Variants in COL7A1 observed in about 807,000 individuals in gnomAD.
COL7A1 encodes collagen alpha-1(VII) chain.
Under a neutral mutation model 456.2 loss-of-function variants are expected in COL7A1, and 296 were observed. The ratio of observed to expected loss-of-function variants is 0.65; its 90% CI spans 0.59 to 0.71. The LOEUF (loss-of-function observed/expected upper bound fraction) is 0.71, where lower values mean the gene tolerates loss of function less well. COL7A1 is among the 30% of genes least tolerant of loss of function. The probability of loss-of-function intolerance (pLI) is 0.00; values close to 1 mark genes in which losing one functional copy is unlikely to be tolerated. For missense variants in COL7A1, 3,441 were observed against 4,017.2 expected, an observed-to-expected ratio of 0.86 and a Z score of 3.88; for synonymous variants, 1,464 against 1,525.9, an observed-to-expected ratio of 0.96 and a Z score of 0.95.
rs2045978911 is a variant in COL7A1, at chr3:48,595,005, T to C, written c.85+70A>G. ...GGTTGTGGGCGGGGGGTGTTGGGGATGAAGGCCGAGTGGAGCGGAGGGTGG... is the reference window on the plus strand; with the variant it reads ...GGTTGTGGGCGGGGGGTGTTGGGGACGAAGGCCGAGTGGAGCGGAGGGTGG... On this transcript the variant is annotated intron_variant, in intron 2 of 118. Coordinates refer to ENST00000681320, the MANE Select transcript of COL7A1 (RefSeq NM_000094.4). The C allele has an allele frequency of 3.8e-6, 5 of 1,305,186 alleles. No individual in the cohort carries two copies. In the Middle Eastern group the frequency reaches 7.5e-4, roughly 196 times the overall value. The allele number at this position is 1,305,186 out of a possible 1,614,324, so 80.9% of individuals were successfully genotyped here.
At position 48,583,632 on chromosome 3, in the gene COL7A1, C is replaced by T. The variant is rs367620031; in HGVS notation, c.4342-17G>A. On this transcript the variant is annotated splice_polypyrimidine_tract_variant and intron_variant, in intron 40 of 118. Transcript: ENST00000681320. The surrounding 1 kb of genome is among the most constrained non-coding windows in gnomAD (Gnocchi z 5.1). The stretch of plus-strand genomic sequence containing the variant: ...AGAGTCACCCTGAAGGAGAAACACA[C>T]GGGTGGGAAGACCGAAGGGAGGCCC... 60 of 1,613,990 alleles carry T rather than the reference C, an allele frequency of 3.7e-5. No individual in the cohort carries two copies. In the African/African-American group the frequency reaches 4.0e-4, roughly 11 times the overall value.
At position 48,574,226 on chromosome 3, in the gene COL7A1, C is replaced by T. The variant is rs745319972; in HGVS notation, c.6501+36G>A. ...CAGCAGCAGCACCTAGCGGAGGGTCCGGAGCCTGGGGCCAGGTGCTTCAGC... is the reference window on the plus strand; with the variant it reads ...CAGCAGCAGCACCTAGCGGAGGGTCTGGAGCCTGGGGCCAGGTGCTTCAGC... On this transcript the variant is annotated intron_variant, in intron 80 of 118. Transcript: ENST00000681320. This position sits in a 1 kb window ranked among gnomAD's most constrained non-coding sequence, Gnocchi z 5.0. 9.9e-6 allele frequency: 16 copies of T among 1,613,408 alleles called. No homozygotes were observed. The highest frequency in any genetic ancestry group is 5.3e-5 in the African/African-American group (4 of 74,862).
chr3:48,585,440 G>T lies in COL7A1; in HGVS notation c.3894+117C>A. 1 of 1,240,188 alleles carries T rather than the reference G, an allele frequency of 8.1e-7. No individual in the cohort carries two copies. The highest frequency in any genetic ancestry group is 1.2e-6 in the Non-Finnish European group (1 of 849,728). 76.8% of individuals were successfully genotyped at this position (1,240,188 alleles called of 1,614,324 possible). On this transcript the variant is annotated intron_variant, in intron 32 of 118. Transcript: ENST00000681320. This position sits in a 1 kb window ranked among gnomAD's most constrained non-coding sequence, Gnocchi z 4.5. ...TCTCTGTGGTGGTTTATAACCTCCA[G>T]CTGGGCTTCTAGGAATTCCCGATGA...
intron 37 of COL7A1, 77 bp downstream of exon 37, chr3:48,584,221 A>G: frequency 6.5e-7 from 1 of 1,531,364 alleles, no homozygotes; most frequent in South Asian, 1.2e-5. Flanking sequence ...CAAGGGCCAG[A>G]GTAACTGGCA....
chr3:48,585,213 C>G lies in COL7A1; in HGVS notation c.3895-97G>C. 8.5e-7 allele frequency: 1 copy of G among 1,179,904 alleles called. No homozygotes were observed. Among genetic ancestry groups the G allele is most frequent in the Non-Finnish European group, 1.2e-6 (1 of 816,822 alleles). 73.1% of individuals were successfully genotyped at this position (1,179,904 alleles called of 1,614,324 possible). On this transcript the variant is annotated intron_variant, in intron 32 of 118. Coordinates refer to ENST00000681320, the MANE Select transcript of COL7A1 (RefSeq NM_000094.4). This position sits in a 1 kb window ranked among gnomAD's most constrained non-coding sequence, Gnocchi z 4.5. ...CCCCATCAACAAGGGGTCGCCTACC[C>G]CACTGACCCCCAAGTGTTATTGGGG...
rs201392891 is a variant in COL7A1, at chr3:48,574,254, C to A, written c.6501+8G>T. On this transcript the variant is annotated splice_region_variant and intron_variant, in intron 80 of 118. Coordinates refer to ENST00000681320, the MANE Select transcript of COL7A1 (RefSeq NM_000094.4). The surrounding 1 kb of genome is among the most constrained non-coding windows in gnomAD (Gnocchi z 5.0). ...AGCCTGGGGCCAGGTGCTTCAGCCA[C>A]CACTCACCGGCTTCCCTTCAGGCCC... 5 of 1,613,946 alleles carry A rather than the reference C, an allele frequency of 3.1e-6. No individual in the cohort carries two copies. The East Asian group carries it at 1.1e-4, about 36-fold the overall frequency.
Position 48,568,173 on chromosome 3 carries a change from A to G in COL7A1, c.7795-3T>C. On this transcript the variant is annotated splice_polypyrimidine_tract_variant and splice_region_variant and intron_variant, in intron 105 of 118. Transcript: ENST00000681320. The surrounding 1 kb of genome is among the most constrained non-coding windows in gnomAD (Gnocchi z 5.2). ...ACTCCATCCTTTCCTGGGGATCCCT[A>G]GCAGGGAGAGGGTCCATGTGAGGTC... The G allele has an allele frequency of 6.2e-7, 1 of 1,612,844 alleles. No homozygotes were observed. The highest frequency in any genetic ancestry group is 8.5e-7 in the Non-Finnish European group (1 of 1,179,986).
intron 37 of COL7A1, 63 bp from the exon 38 acceptor site, chr3:48,584,124 T>G (rs2107731787): frequency 6.2e-7 from 1 of 1,612,832 alleles, no homozygotes; most frequent in Non-Finnish European, 8.5e-7. Flanking sequence ...ATACCAGGAG[T>G]GATGAGGGTC....
At chr3:48,589,192 A>T in intron 18 of COL7A1, 135 bp downstream of exon 18, 3 of 1,481,298 alleles carry the variant, frequency 2.0e-6, no homozygotes, top group Non-Finnish European at 1.9e-6. Flanking sequence ...GTGGACACTT[A>T]ATCAGTGTGG....
In COL7A1 at chr3:48,572,767, G is replaced by C. The variant is rs2044022705; in HGVS notation, c.6832-28C>G. ...ATGGCAGAGCAGCGTGAGGAACTCA[G>C]TGCCTCTCCACCACCACCCCTGCTG... is the stretch of plus-strand genomic sequence containing the variant. On this transcript the variant is annotated intron_variant, in intron 87 of 118. Coordinates refer to ENST00000681320, the MANE Select transcript of COL7A1 (RefSeq NM_000094.4). The surrounding 1 kb of genome is among the most constrained non-coding windows in gnomAD (Gnocchi z 4.6). The C allele has an allele frequency of 6.2e-7, 1 of 1,611,016 alleles. No homozygotes were observed. Among genetic ancestry groups the C allele is most frequent in the Admixed American group, 1.7e-5 (1 of 59,498 alleles).
Position 48,575,594 on chromosome 3 carries a change from G to C in COL7A1, c.5979+32C>G. ...GCTGTACAGCTACACCCCACTCCAC[G>C]GGGCACAACCCACTGAGCCACTTCT... On this transcript the variant is annotated intron_variant, in intron 73 of 118. Transcript: ENST00000681320. This position sits in a 1 kb window ranked among gnomAD's most constrained non-coding sequence, Gnocchi z 6.3. 1 of 1,612,660 alleles carries C rather than the reference G, an allele frequency of 6.2e-7. No homozygotes were observed. Among genetic ancestry groups the C allele is most frequent in the South Asian group, 1.1e-5 (1 of 91,092 alleles).
chr3:48,583,006 G>A lies in COL7A1; in HGVS notation c.4518+7C>T, dbSNP rs377114408. On this transcript the variant is annotated splice_region_variant and intron_variant, in intron 44 of 118. Transcript: ENST00000681320. This position sits in a 1 kb window ranked among gnomAD's most constrained non-coding sequence, Gnocchi z 5.1. ...GCTGGTATGAGCATTGCAGCCAGTGGGTTTACCCGGGATCCCGCTGGGCCT... is the reference window on the plus strand; with the variant it reads ...GCTGGTATGAGCATTGCAGCCAGTGAGTTTACCCGGGATCCCGCTGGGCCT... 18 of 1,613,932 alleles carry A rather than the reference G, an allele frequency of 1.1e-5. No homozygotes were observed. The East Asian group carries it at 3.8e-4, about 34-fold the overall frequency.
In COL7A1 at chr3:48,567,956, T is replaced by G; in HGVS notation, c.7876-65A>C. 6.2e-7 allele frequency: 1 copy of G among 1,607,172 alleles called. No homozygotes were observed. Among genetic ancestry groups the G allele is most frequent in the Non-Finnish European group, 8.5e-7 (1 of 1,174,178 alleles). On this transcript the variant is annotated intron_variant, in intron 106 of 118. Coordinates refer to ENST00000681320, the MANE Select transcript of COL7A1 (RefSeq NM_000094.4). This position sits in a 1 kb window ranked among gnomAD's most constrained non-coding sequence, Gnocchi z 4.3. ...CCTCACTCTGTGACCCCCTTCACCC[T>G]GAAACTAACTCTCCAAACAGGCCTC...
chr3:48,591,879 T>C lies in COL7A1; in HGVS notation c.1357+19A>G, dbSNP rs2045728427. Reference sequence around the variant, plus strand: ...CCATGCCCTGACCCTTGCCTGTCCATCCCTTCCCCCGCACTGACCAGTCTC... The same window carrying C: ...CCATGCCCTGACCCTTGCCTGTCCACCCCTTCCCCCGCACTGACCAGTCTC... On this transcript the variant is annotated intron_variant, in intron 11 of 118. Coordinates refer to ENST00000681320, the MANE Select transcript of COL7A1 (RefSeq NM_000094.4). This position sits in a 1 kb window ranked among gnomAD's most constrained non-coding sequence, Gnocchi z 7.0. 6.2e-7 allele frequency: 1 copy of C among 1,614,064 alleles called. No individual in the cohort carries two copies. Among genetic ancestry groups the C allele is most frequent in the African/African-American group, 1.3e-5 (1 of 75,014 alleles).
At position 48,594,762 on chromosome 3, in the gene COL7A1, A is replaced by G. The variant is rs1422574883; in HGVS notation, c.86-214T>C. Among the ~76,000 whole-genome samples the G allele has an allele frequency of 6.6e-6, 1 of 150,994 alleles. No homozygotes were observed. The highest frequency in any genetic ancestry group is 1.5e-5 in the Non-Finnish European group (1 of 67,810). ...GCGGAGGGTTGGGGGTGTGCGGGGG[A>G]GGGAGAGTCGCCAGCACGGGTGTGG... On this transcript the variant is annotated intron_variant, in intron 2 of 118. Transcript: ENST00000681320. This position sits in a 1 kb window ranked among gnomAD's most constrained non-coding sequence, Gnocchi z 5.5.
At chr3:48,595,023 G>C (rs2045980423) in intron 2 of COL7A1, 52 bp downstream of exon 2, 3 of 1,419,748 alleles carry the variant, frequency 2.1e-6, no homozygotes, top group Non-Finnish European at 2.9e-6. Context: ...GAGTGGAGCG[G>C]AGGGTGGCAC....
In COL7A1 at chr3:48,594,534, G is replaced by A. The variant is rs2045937244; in HGVS notation, c.100C>T (p.Leu34Phe). Residue 34 changes from leucine (L) to phenylalanine (F), a missense_variant, in exon 3 of 119, where the codon CTT becomes TTT. Physicochemically the swap from Leu to Phe is conservative, Grantham distance 22. Around this residue, in one of 3 missense-constraint regions of COL7A1, gnomAD observed 913 missense variants for 1,088.2 expected, o/e 0.84. Transcript: ENST00000681320. This position sits in a 1 kb window ranked among gnomAD's most constrained non-coding sequence, Gnocchi z 5.5. ...QHRERVTCTR[L>F]YAADIVFLLD... ...AAGAACACAATGTCAGCGGCGTAAA[G>A]GCGCGTGCAGGTCACTGGGGCGGGC... 1 of 1,602,446 alleles carries A rather than the reference G, an allele frequency of 6.2e-7. No homozygotes were observed. The highest frequency in any genetic ancestry group is 2.3e-5 in the East Asian group (1 of 44,308).
At position 48,573,390 on chromosome 3, in the gene COL7A1, C is replaced by T. The variant is rs2107662627; in HGVS notation, c.6619-42G>A. Reference sequence around the variant, plus strand: ...GACTGCATGAGCAGAGCCCACGTGGCCAGGGCTCCTGGAGCTCATCCTCAT... The same window carrying T: ...GACTGCATGAGCAGAGCCCACGTGGTCAGGGCTCCTGGAGCTCATCCTCAT... On this transcript the variant is annotated intron_variant, in intron 83 of 118. Coordinates refer to ENST00000681320, the MANE Select transcript of COL7A1 (RefSeq NM_000094.4). This position sits in a 1 kb window ranked among gnomAD's most constrained non-coding sequence, Gnocchi z 5.5. The T allele has an allele frequency of 1.9e-6, 3 of 1,614,018 alleles. No individual in the cohort carries two copies. Among genetic ancestry groups the T allele is most frequent in the South Asian group, 1.1e-5 (1 of 91,086 alleles).
At position 48,571,847 on chromosome 3, in the gene COL7A1, T is replaced by C; in HGVS notation, c.7068+154A>G. On this transcript the variant is annotated intron_variant, in intron 92 of 118. Transcript: ENST00000681320. This position sits in a 1 kb window ranked among gnomAD's most constrained non-coding sequence, Gnocchi z 4.6. Reference sequence around the variant, plus strand: ...TCAGAGTGTGGAAGCCGACAGTGTGTGGCTCCCTGTGATCCAGAGAGCAGG... The same window carrying C: ...TCAGAGTGTGGAAGCCGACAGTGTGCGGCTCCCTGTGATCCAGAGAGCAGG... 1.1e-6 allele frequency: 1 copy of C among 910,706 alleles called. No individual in the cohort carries two copies. Among genetic ancestry groups the C allele is most frequent in the Non-Finnish European group, 1.7e-6 (1 of 582,018 alleles). 56.4% of individuals were successfully genotyped at this position (910,706 alleles called of 1,614,324 possible). A position where few individuals can be genotyped will look rare whatever the true frequency, so the allele number is the denominator to read the frequency against.
Sources: gnomAD v4.1 joint callset for allele counts (sites outside exome capture counted in the v4.1 genomes callset) on GRCh38, gnomAD v4.1.1 for gene constraint, gnomAD v4.1.1 regional missense constraint, Gnocchi (gnomAD v3.1) non-coding constraint, MANE v1.5 for transcripts, NCBI Gene and HGNC (gene_info 2026-07-23, HGNC 2026-07-21) for gene names.